Variants in POLN observed in about 807,000 individuals in gnomAD.
POLN encodes DNA polymerase nu, also known as DNA polymerase N.
In POLN, 108 loss-of-function variants were observed where a neutral mutation model predicts 113.5. The ratio of observed to expected loss-of-function variants is 0.95; its 90% confidence interval spans 0.81 to 1.12. The LOEUF (loss-of-function observed/expected upper bound fraction) is 1.12, where lower values mean the gene tolerates loss of function less well. Ranked by LOEUF, POLN falls within the 50% of genes most tolerant of loss-of-function variation. POLN has a pLI of 0.00. For missense variants in POLN, 1,097 were observed against 1,077.1 expected (o/e 1.02, Z -0.26); for synonymous variants, 386 against 391.5 (o/e 0.99, Z 0.17).
rs547812743 is a variant in POLN at position 2,212,917 on chromosome 4, C to G, written c.213+130G>C. 111 of 516,296 alleles carry G rather than the reference C, an allele frequency of 2.1e-4. 1 individual carries two copies. The South Asian group carries it at 4.2e-3, about 20-fold the overall frequency. The allele number at this position is 516,296 out of a possible 1,614,324, so 32.0% of individuals were successfully genotyped here. A position where few individuals can be genotyped will look rare whatever the true frequency, so the allele number is the denominator to read the frequency against. On this transcript the variant is annotated intron_variant, in intron 4 of 25. Coordinates refer to ENST00000511885, the MANE Select transcript of POLN (RefSeq NM_181808.4). Reference sequence around the variant, plus strand: ...AATTAAACTATAAGTTCTTGGAGAGCAAGAACGCCTCTTTTTTTTTTTTTA... The same window carrying G: ...AATTAAACTATAAGTTCTTGGAGAGGAAGAACGCCTCTTTTTTTTTTTTTA...
intron 2 of POLN, chr4:2,240,468 G>C: frequency 6.2e-7 from 1 of 1,613,832 alleles, no homozygotes; most frequent in Non-Finnish European, 8.5e-7. Flanking sequence ...ACTGATCTTA[G>C]TGATCATTGC....
chr4:2,173,154 T>C (rs1168142570), intron 11 of POLN, among the ~76,000 whole-genome samples: 3 of 152,186 alleles, frequency 2.0e-5, no homozygotes, highest in Non-Finnish European at 4.4e-5. Flanking sequence ...GCAGTTACTT[T>C]TGGCAGCAAG....
In POLN at chr4:2,081,692, G is replaced by C. The variant is rs1730424288; in HGVS notation, c.2249C>G (p.Ala750Gly). Reference protein sequence around the residue: ...GRRRPLPRIHAHDQQLRAQAE... With the variant: ...GRRRPLPRIHGHDQQLRAQAE... The stretch of plus-strand genomic sequence containing the variant: ...TTGTGCCCGGAGTTGCTGGTCATGA[G>C]CGTGAATCCTTGGCAGGGGTCTCCT... Residue 750 changes from alanine to glycine, a missense_variant, in exon 22 of 26, where the codon GCT becomes GGT. By Grantham distance (60) the Ala-to-Gly change is moderately conservative. Coordinates refer to ENST00000511885, the MANE Select transcript of POLN (RefSeq NM_181808.4). The C allele has an allele frequency of 6.2e-7, 1 of 1,614,074 alleles. No homozygotes were observed.
chr4:2,241,075 G>C, intron 2 of POLN: 1 of 680,672 alleles, frequency 1.5e-6, no homozygotes, highest in Non-Finnish European at 2.4e-6. Context: ...TATATTTTTA[G>C]AATCTATAAT....
intron 8 of POLN, 97 bp downstream of exon 8, chr4:2,179,211 T>A (rs766823014): frequency 1.7e-6 from 2 of 1,176,452 alleles, no homozygotes; most frequent in African/African-American, 1.6e-5. Context: ...ATGTTGACAA[T>A]GTTCTTTTTA....
intron 2 of POLN, among the ~76,000 whole-genome samples, chr4:2,239,862 C>T (rs1577803533): frequency 6.6e-6 from 1 of 152,170 alleles, no homozygotes; most frequent in African/African-American, 2.4e-5. Flanking sequence ...CCTCCATTAA[C>T]GTATGGAACT....
chr4:2,072,410 G>T, intron 25 of POLN, 111 bp from the exon 26 acceptor site: 1 of 919,570 alleles, frequency 1.1e-6, no homozygotes, highest in Non-Finnish European at 1.6e-6. Context: ...CACACATCCA[G>T]ATACATGATC....
intron 25 of POLN, among the ~76,000 whole-genome samples, chr4:2,072,691 C>T (rs897744474): frequency 2.0e-5 from 3 of 152,270 alleles, no homozygotes; most frequent in Middle Eastern, 3.4e-3. Context: ...AGAGCCCTCC[C>T]GGGGGTCCCT....
intron 20 of POLN, among the ~76,000 whole-genome samples, chr4:2,094,051 A>G (rs1016703834): frequency 6.6e-5 from 10 of 152,168 alleles, no homozygotes; most frequent in Non-Finnish European, 1.5e-4. Context: ...GACAGCCAGC[A>G]AGAAACAGAA....
chr4:2,104,130 T>C (rs945461273), intron 19 of POLN, among the ~76,000 whole-genome samples: 1 of 151,986 alleles, frequency 6.6e-6, no homozygotes, highest in Non-Finnish European at 1.5e-5. Context: ...ACAGAGAAAA[T>C]GAAAGAAACA....
intron 13 of POLN, among the ~76,000 whole-genome samples, chr4:2,164,547 A>T (rs1732680443): frequency 6.7e-6 from 1 of 150,120 alleles, no homozygotes; most frequent in South Asian, 2.1e-4. Flanking sequence ...TCACGCCTGT[A>T]ATCCCAGCAC....
At chr4:2,106,265 C>T (rs1038259033) in intron 19 of POLN, among the ~76,000 whole-genome samples, 5 of 152,256 alleles carry the variant, frequency 3.3e-5, no homozygotes, top group African/African-American at 1.2e-4. Context: ...GGAATTTTCA[C>T]GTGAATAGCC....
chr4:2,222,785 C>T (rs908685396), intron 3 of POLN, among the ~76,000 whole-genome samples: 1 of 148,874 alleles, frequency 6.7e-6, no homozygotes, highest in African/African-American at 2.5e-5. Flanking sequence ...TTGTACTTCT[C>T]AGATGTGCAG....
At chr4:2,129,042 C>T (rs1019281544) in intron 18 of POLN, 137 bp downstream of exon 18, 5 of 556,968 alleles carry the variant, frequency 9.0e-6, no homozygotes, top group East Asian at 3.8e-5. Flanking sequence ...GCCACAAAAG[C>T]GAGACTCTTG....
In POLN at chr4:2,126,401, C is replaced by G. The variant is rs1232654302; in HGVS notation, c.1982+1712G>C. On this transcript the variant is annotated intron_variant, in intron 19 of 25. Coordinates refer to ENST00000511885, the MANE Select transcript of POLN (RefSeq NM_181808.4). This position sits in a 1 kb window ranked among gnomAD's most constrained non-coding sequence, Gnocchi z 4.6. ...TTCAAACGCAAGTTTGCGTTCTATA[C>G]TATTCATTCATTTATTTGACAAATC... 2.0e-5 allele frequency among the ~76,000 whole-genome samples: 3 copies of G among 152,178 alleles called. No individual in the cohort carries two copies. The highest frequency in any genetic ancestry group is 4.4e-5 in the Non-Finnish European group (3 of 68,026).
intron 20 of POLN, chr4:2,088,633 C>A: frequency 1.5e-6 from 1 of 648,360 alleles, no homozygotes; most frequent in South Asian, 4.8e-5. Context: ...AATTTGAATC[C>A]CATAATATAA....
At chr4:2,182,260 T>C (rs1388110247) in intron 7 of POLN, among the ~76,000 whole-genome samples, 1 of 152,176 alleles carries the variant, frequency 6.6e-6, no homozygotes, top group East Asian at 1.9e-4. Flanking sequence ...ATAAGGGCCT[T>C]TGCAGATACA....
chr4:2,237,901 G>A (rs758080834), intron 2 of POLN, among the ~76,000 whole-genome samples: 1 of 152,092 alleles, frequency 6.6e-6, no homozygotes, highest in Non-Finnish European at 1.5e-5. Flanking sequence ...TAGTCTTATA[G>A]ATGTAACTAC....
chr4:2,126,797 C>A lies in POLN; in HGVS notation c.1982+1316G>T, dbSNP rs182346819. On this transcript the variant is annotated intron_variant, in intron 19 of 25. Transcript: ENST00000511885. This position sits in a 1 kb window ranked among gnomAD's most constrained non-coding sequence, Gnocchi z 4.6. ...CAGGACAGGAAAGGCCAGAGTGAGG[C>A]GGGTAACTGGTGAGCTCAGGCCTAG... is the stretch of plus-strand genomic sequence containing the variant. Among the ~76,000 whole-genome samples the A allele has an allele frequency of 1.3e-5, 2 of 152,024 alleles. No homozygotes were observed. Among genetic ancestry groups the A allele is most frequent in the Non-Finnish European group, 2.9e-5 (2 of 67,980 alleles).
Sources: allele counts gnomAD v4.1 joint callset (sites outside exome capture counted in the v4.1 genomes callset), GRCh38; gene constraint gnomAD v4.1.1; non-coding constraint Gnocchi (gnomAD v3.1); transcripts MANE v1.5; gene names NCBI Gene and HGNC (gene_info 2026-07-23, HGNC 2026-07-21).